The following LEPR variants were observed in gnomAD, a reference collection of about 807,000 sequenced individuals.
LEPR encodes leptin receptor.
In LEPR, 56 loss-of-function variants were observed where a neutral mutation model predicts 114.7. That is an observed-to-expected ratio of 0.49 (90% CI 0.39 to 0.61). The LOEUF (loss-of-function observed/expected upper bound fraction) is 0.61, where lower values mean the gene tolerates loss of function less well. Among genes scored for constraint, LEPR ranks in the 20% least tolerant of loss-of-function variants. The probability of loss-of-function intolerance (pLI) is 0.00; values close to 1 mark genes in which losing one functional copy is unlikely to be tolerated. For synonymous variants in LEPR, 443 were observed against 461.4 expected, an observed-to-expected ratio of 0.96 and a Z score of 0.51; for missense variants, 1,202 against 1,352.9, an observed-to-expected ratio of 0.89 and a Z score of 1.75.
chr1:65,624,603 G>C (rs1486834708), intron 19 of LEPR, among the ~76,000 whole-genome samples: 2 of 152,150 alleles, frequency 1.3e-5, no homozygotes. Flanking sequence ...GTACACCATA[G>C]ATACAGATAT....
chr1:65,597,194 C>T (rs1209445410), intron 7 of LEPR, among the ~76,000 whole-genome samples: 1 of 152,096 alleles, frequency 6.6e-6, no homozygotes, highest in Admixed American at 6.6e-5. Flanking sequence ...TCTACTCCCT[C>T]CTTCTTGGCT....
intron 2 of LEPR, among the ~76,000 whole-genome samples, chr1:65,465,792 C>T (rs1236517349): frequency 2.0e-5 from 3 of 152,094 alleles, no homozygotes; most frequent in East Asian, 1.9e-4. Flanking sequence ...GCCTTCTTTG[C>T]CTCTTTTGTT....
intron 2 of LEPR, among the ~76,000 whole-genome samples, chr1:65,525,456 C>A (rs1466777151): frequency 1.3e-5 from 2 of 152,170 alleles, no homozygotes; most frequent in East Asian, 1.9e-4. Context: ...TCTCCTCCCG[C>A]AGGCCCGCGG....
chr1:65,607,761 C>T (rs1656907284), intron 11 of LEPR, among the ~76,000 whole-genome samples: 1 of 151,998 alleles, frequency 6.6e-6, no homozygotes, highest in Non-Finnish European at 1.5e-5. Context: ...GAAGATTGGC[C>T]CTCAAAGTTA....
At chr1:65,454,241 G>C (rs1385387948) in intron 2 of LEPR, among the ~76,000 whole-genome samples, 1 of 152,132 alleles carries the variant, frequency 6.6e-6, no homozygotes, top group African/African-American at 2.4e-5. Flanking sequence ...TATCCAATTT[G>C]CCAGTCTGTG....
At chr1:65,504,646 T>A (rs1648631198) in intron 2 of LEPR, among the ~76,000 whole-genome samples, 1 of 152,166 alleles carries the variant, frequency 6.6e-6, no homozygotes, top group Non-Finnish European at 1.5e-5. Flanking sequence ...CCAAGAGCAG[T>A]CTACGGTGGC....
intron 2 of LEPR, among the ~76,000 whole-genome samples, chr1:65,544,025 G>T (rs1042720056): frequency 4.6e-5 from 7 of 151,896 alleles, no homozygotes; most frequent in Admixed American, 4.6e-4. Context: ...GGCTTGATGG[G>T]GATAGCACTG....
At chr1:65,453,767 G>A (rs1186805575) in intron 2 of LEPR, among the ~76,000 whole-genome samples, 2 of 152,132 alleles carry the variant, frequency 1.3e-5, no homozygotes, top group African/African-American at 4.8e-5. Flanking sequence ...GTTGATTTGG[G>A]GTGGAGAGTT....
chr1:65,539,698 C>T (rs1186458705), intron 2 of LEPR, among the ~76,000 whole-genome samples: 1 of 152,206 alleles, frequency 6.6e-6, no homozygotes, highest in Non-Finnish European at 1.5e-5. Flanking sequence ...CCTGTTTTCC[C>T]AAGCTTCCTG....
chr1:65,526,001 T>C, intron 2 of LEPR: 1 of 744,200 alleles, frequency 1.3e-6, no homozygotes, highest in Admixed American at 6.6e-5. Context: ...GCGGCGGGGG[T>C]GGGGTGGGTG....
chr1:65,461,416 A>T (rs1045840433), intron 2 of LEPR, among the ~76,000 whole-genome samples: 2 of 152,236 alleles, frequency 1.3e-5, no homozygotes, highest in Admixed American at 6.5e-5. Flanking sequence ...AAAACAAAAA[A>T]ATCACACAAC....
At chr1:65,610,144 T>C in intron 13 of LEPR, 38 bp downstream of exon 13, 2 of 1,614,176 alleles carry the variant, frequency 1.2e-6, no homozygotes, top group Non-Finnish European at 1.7e-6. Context: ...TGAAAGTGCA[T>C]AAGTGTGTGC....
In LEPR at chr1:65,596,555, G is replaced by C; in HGVS notation, c.811G>C (p.Val271Leu). Residue 271 changes from valine to leucine, a missense_variant, in exon 7 of 20, where the codon GTG becomes CTG. Coordinates refer to ENST00000349533, the MANE Select transcript of LEPR (RefSeq NM_002303.6). ...GGTACCATTTCCACTTCAATATCAA[G>C]TGAAATATTCAGAGAATTCTACAAC... ...PLVPFPLQYQ[V>L]KYSENSTTVI... 1 of 1,612,520 alleles carries C rather than the reference G, an allele frequency of 6.2e-7. No individual in the cohort carries two copies. Among genetic ancestry groups the C allele is most frequent in the Non-Finnish European group, 8.5e-7 (1 of 1,179,078 alleles).
chr1:65,468,549 G>C (rs529663310), intron 2 of LEPR, among the ~76,000 whole-genome samples: 8 of 152,282 alleles, frequency 5.3e-5, no homozygotes, highest in African/African-American at 1.7e-4. Context: ...GAGAGTTGAG[G>C]CAAAATCCAC....
At chr1:65,623,322 G>A (rs1032380356) in intron 19 of LEPR, 9 of 172,440 alleles carry the variant, frequency 5.2e-5, no homozygotes, top group Non-Finnish European at 8.6e-5. Context: ...ACTGTATTTA[G>A]GCAAAAGGCT....
chr1:65,621,527 C>G, intron 18 of LEPR, 69 bp downstream of exon 18: 1 of 1,295,138 alleles, frequency 7.7e-7, no homozygotes, highest in Non-Finnish European at 1.1e-6. Flanking sequence ...TGATTTAAAA[C>G]CTTCTAAATT....
Position 65,565,585 on chromosome 1 carries a change from G to A in LEPR, c.20G>A (p.Cys7Tyr), listed in dbSNP as rs754290111. 13 of 1,613,888 alleles carry A rather than the reference G, an allele frequency of 8.1e-6. No individual in the cohort carries two copies. The highest frequency in any genetic ancestry group is 4.0e-5 in the African/African-American group (3 of 75,004). Reference protein sequence around the residue: MICQKFCVVLLHWEFIY... With the variant: MICQKFYVVLLHWEFIY... ...AGTAAGATGATTTGTCAAAAATTCT[G>A]TGTGGTTTTGTTACATTGGGGTAAG... Residue 7 changes from cysteine (C) to tyrosine (Y), a missense_variant, in exon 3 of 20, where the codon TGT (cysteine) becomes TAT (tyrosine). Transcript: ENST00000349533.
intron 5 of LEPR, among the ~76,000 whole-genome samples, chr1:65,591,707 T>G (rs1655710166): frequency 6.6e-6 from 1 of 152,036 alleles, no homozygotes; most frequent in Non-Finnish European, 1.5e-5. Context: ...TTATTTGTGT[T>G]TATAGTTAAA....
At chr1:65,484,326 A>G (rs926401656) in intron 2 of LEPR, among the ~76,000 whole-genome samples, 1 of 152,182 alleles carries the variant, frequency 6.6e-6, no homozygotes, top group Non-Finnish European at 1.5e-5. Flanking sequence ...TTTTACTTCT[A>G]GATTTTAAAA....
Sources: gnomAD v4.1 joint callset for allele counts (sites outside exome capture counted in the v4.1 genomes callset) on GRCh38, gnomAD v4.1.1 for gene constraint, MANE v1.5 for transcripts, NCBI Gene and HGNC (gene_info 2026-07-23, HGNC 2026-07-21) for gene names.